The following MEGF11 variants were observed in gnomAD, a reference collection of about 807,000 sequenced individuals.
MEGF11 encodes multiple EGF like domains 11, also known as multiple epidermal growth factor-like domains protein 11.
Under a neutral mutation model 146.6 loss-of-function variants are expected in MEGF11, and 126 were observed. The ratio of observed to expected loss-of-function variants is 0.86; its 90% CI spans 0.74 to 1.00. The LOEUF is 1.00. Ranked by LOEUF, MEGF11 falls within the 50% of genes least tolerant of loss-of-function variation. MEGF11 has a pLI of 0.00. For missense variants in MEGF11, 1,509 were observed against 1,521.2 expected (o/e 0.99, Z 0.13); for synonymous variants, 532 against 583.4 (o/e 0.91, Z 1.27).
chr15:66,000,418 G>A (rs1295797806), intron 5 of MEGF11, among the ~76,000 whole-genome samples: 1 of 152,152 alleles, frequency 6.6e-6, no homozygotes, highest in African/African-American at 2.4e-5. Context: ...TCTAGTGCCA[G>A]TTACTTGGGA....
At chr15:66,095,108 T>C (rs1053286921) in intron 4 of MEGF11, among the ~76,000 whole-genome samples, 1 of 152,218 alleles carries the variant, frequency 6.6e-6, no homozygotes, top group Non-Finnish European at 1.5e-5. Flanking sequence ...TAATTGTAAT[T>C]AGAAAGTGCC....
chr15:66,190,469 G>A (rs542416069), intron 1 of MEGF11, among the ~76,000 whole-genome samples: 20 of 152,274 alleles, frequency 1.3e-4, no homozygotes, highest in African/African-American at 4.1e-4. Flanking sequence ...TTGTGACCAA[G>A]GAAGGAAACA....
intron 7 of MEGF11, among the ~76,000 whole-genome samples, chr15:65,971,774 C>T (rs2081305553): frequency 6.6e-6 from 1 of 152,032 alleles, no homozygotes; most frequent in Admixed American, 6.6e-5. Context: ...AACAGATGGC[C>T]AAGGATCACC....
At chr15:66,201,613 G>A (rs562174565) in intron 1 of MEGF11, among the ~76,000 whole-genome samples, 70 of 152,018 alleles carry the variant, frequency 4.6e-4, no homozygotes, top group African/African-American at 1.6e-3. Flanking sequence ...TCTCCCTGCC[G>A]ACACCCTGAC....
chr15:66,076,616 G>T (rs950747429), intron 5 of MEGF11, among the ~76,000 whole-genome samples: 1 of 152,162 alleles, frequency 6.6e-6, no homozygotes, highest in African/African-American at 2.4e-5. Flanking sequence ...GATGTGGAGG[G>T]CATGGCTGCT....
At chr15:65,966,696 CT>C (rs967224160) in intron 8 of MEGF11, among the ~76,000 whole-genome samples, 7 of 152,128 alleles carry the variant, frequency 4.6e-5, no homozygotes, top group Non-Finnish European at 1.0e-4. Context: ...CTGGGACCAC[CT>C]TTGTGTCCTG....
chr15:66,018,826 T>TGACCCTGGAGAGAGGCC (rs1462071311), intron 5 of MEGF11, among the ~76,000 whole-genome samples: 30 of 152,220 alleles, frequency 2.0e-4, no homozygotes, highest in Non-Finnish European at 4.1e-4. Context: ...GGAGAGAGAC[T>TGACCCTGGAGAGAGGCC]GACCCTGGAG....
chr15:66,046,950 G>C (rs145289863), intron 5 of MEGF11, among the ~76,000 whole-genome samples: 21 of 152,298 alleles, frequency 1.4e-4, no homozygotes, highest in African/African-American at 4.6e-4. Context: ...GGTTCCCCCT[G>C]CAGGTGACAC....
At chr15:66,032,094 A>C (rs1349333569) in intron 5 of MEGF11, among the ~76,000 whole-genome samples, 3 of 152,204 alleles carry the variant, frequency 2.0e-5, no homozygotes, top group African/African-American at 7.2e-5. Flanking sequence ...CTGGCATAGA[A>C]CAGTTCCATC....
At chr15:66,121,612 C>A (rs1331507447) in intron 3 of MEGF11, among the ~76,000 whole-genome samples, 1 of 152,154 alleles carries the variant, frequency 6.6e-6, no homozygotes, top group Non-Finnish European at 1.5e-5. Context: ...AAACACACAA[C>A]CTTGCTCGTT....
At position 65,976,579 on chromosome 15, in the gene MEGF11, C is replaced by T. The variant is rs113856419; in HGVS notation, c.762+4199G>A. Among the ~76,000 whole-genome samples, 377 of 152,314 alleles carry T rather than the reference C, an allele frequency of 2.5e-3. 1 individual carries two copies. The highest frequency in any genetic ancestry group is 8.5e-3 in the African/African-American group (354 of 41,568). ...AGGAAAGAGGCTCAGAAGGAACCAA[C>T]GCTGCCGACACCTTGATCTTGGACT... On this transcript the variant is annotated intron_variant, in intron 7 of 25. Coordinates refer to ENST00000395614, the MANE Select transcript of MEGF11 (RefSeq NM_001385028.1).
chr15:66,122,253 G>A (rs1214316017), intron 3 of MEGF11, among the ~76,000 whole-genome samples: 4 of 123,124 alleles, frequency 3.2e-5, no homozygotes, highest in East Asian at 2.0e-4. Context: ...AACAGAGTGC[G>A]ATTCTGTCAA....
In MEGF11 at chr15:65,916,935, C is replaced by T; in HGVS notation, c.2108G>A (p.Gly703Asp). ...CSQACPPGFW[G>D]PACFHACSCH... ...GCTGCATGCGTGGAAGCAGGCGGGG[C>T]CCCAGAACCCGGGTGGGCAAGCTGG... The change falls in exon 17 of 26, where the codon GGC (glycine) becomes GAC (aspartate). Residue 703 changes from glycine to aspartate, a missense_variant. By Grantham distance (94) the Gly-to-Asp change is moderately conservative. Coordinates refer to ENST00000395614, the MANE Select transcript of MEGF11 (RefSeq NM_001385028.1). The T allele has an allele frequency of 6.5e-7, 1 of 1,530,406 alleles. No individual in the cohort carries two copies. The highest frequency in any genetic ancestry group is 8.8e-7 in the Non-Finnish European group (1 of 1,136,068). The allele number at this position is 1,530,406 out of a possible 1,614,324, so 94.8% of individuals were successfully genotyped here.
chr15:66,120,336 G>T (rs1328391825), intron 3 of MEGF11, among the ~76,000 whole-genome samples: 1 of 152,188 alleles, frequency 6.6e-6, no homozygotes, highest in East Asian at 1.9e-4. Context: ...GAGAGGAAGT[G>T]ACCTGCCCAA....
chr15:65,910,086 G>A, intron 21 of MEGF11: 1 of 595,032 alleles, frequency 1.7e-6, no homozygotes, highest in South Asian at 1.5e-5. Flanking sequence ...CCTGACAGAG[G>A]AAGCAGATTA....
chr15:66,137,459 G>A (rs74021643), intron 1 of MEGF11, among the ~76,000 whole-genome samples: 5,164 of 152,246 alleles, frequency 0.034, 317 homozygotes, highest in African/African-American at 0.12. Context: ...TACGGTGTGC[G>A]TGTGCCAACA....
intron 1 of MEGF11, among the ~76,000 whole-genome samples, chr15:66,138,346 G>A (rs2088989053): frequency 6.6e-6 from 1 of 152,234 alleles, no homozygotes; most frequent in African/African-American, 2.4e-5. Flanking sequence ...TGTCCACGCT[G>A]TGATGGTATA....
intron 1 of MEGF11, among the ~76,000 whole-genome samples, chr15:66,243,162 G>A (rs755936900): frequency 2.0e-5 from 3 of 152,208 alleles, no homozygotes; most frequent in South Asian, 2.1e-4. Flanking sequence ...TCCGGATCTC[G>A]GTTTCCCCAT....
At chr15:66,007,300 TAA>T (rs2082549049) in intron 5 of MEGF11, among the ~76,000 whole-genome samples, 2 of 152,258 alleles carry the variant, frequency 1.3e-5, no homozygotes, top group South Asian at 4.1e-4. Context: ...CTCAGGAAAA[TAA>T]AGTCACACAT....
Sources: allele counts gnomAD v4.1 joint callset (sites outside exome capture counted in the v4.1 genomes callset), GRCh38; gene constraint gnomAD v4.1.1; transcripts MANE v1.5; gene names NCBI Gene and HGNC (gene_info 2026-07-23, HGNC 2026-07-21).